IL1RAPL2: variants seen among roughly 807,000 people sequenced by gnomAD.
The protein encoded by IL1RAPL2 is interleukin 1 receptor accessory protein like 2.
IL1RAPL2 carries 3 observed loss-of-function variants against 44.1 expected under a neutral mutation model. That is an observed-to-expected ratio of 0.07 (90% CI 0.03 to 0.18). IL1RAPL2 has a LOEUF of 0.18. IL1RAPL2 is among the 10% of genes least tolerant of loss of function. The pLI is 1.00. For missense variants in IL1RAPL2, 391 were observed against 496.4 expected, an observed-to-expected ratio of 0.79 and a Z score of 2.02; for synonymous variants, 181 against 178.8, an observed-to-expected ratio of 1.01 and a Z score of -0.10.
chrX:105,362,428 A>G (rs1421309834), intron 5 of IL1RAPL2, among the ~76,000 whole-genome samples: 4 of 111,133 alleles, frequency 3.6e-5, no homozygotes, highest in Non-Finnish European at 7.6e-5. Flanking sequence ...TTTAAGATAT[A>G]TTTTACAATT....
At chrX:105,227,316 A>G (rs1556190430) in intron 3 of IL1RAPL2, among the ~76,000 whole-genome samples, 1 of 112,271 alleles carries the variant, frequency 8.9e-6, no homozygotes. Flanking sequence ...AAATGTACAT[A>G]AACTTAAAAC....
chrX:105,151,251 C>T (rs1399861424), intron 2 of IL1RAPL2, among the ~76,000 whole-genome samples: 2 of 111,363 alleles, frequency 1.8e-5, no homozygotes, highest in African/African-American at 6.5e-5. Context: ...AGCTGAATTG[C>T]GTTGAGCACT....
At chrX:105,749,372 T>C (rs2038578045) in intron 9 of IL1RAPL2, among the ~76,000 whole-genome samples, 1 of 112,072 alleles carries the variant, frequency 8.9e-6, no homozygotes, top group Admixed American at 9.5e-5. Flanking sequence ...TGACTTTATT[T>C]CCAATAAAAA....
At chrX:105,535,007 GA>G (rs1390685956) in intron 6 of IL1RAPL2, among the ~76,000 whole-genome samples, 2 of 111,673 alleles carry the variant, frequency 1.8e-5, no homozygotes, top group Non-Finnish European at 3.8e-5. Flanking sequence ...TCTATAAAAG[GA>G]AAAATAGACA....
At chrX:104,733,085 ACTC>A (rs1190439599) in intron 2 of IL1RAPL2, among the ~76,000 whole-genome samples, 2 of 111,599 alleles carry the variant, frequency 1.8e-5, no homozygotes, top group East Asian at 5.6e-4. Flanking sequence ...GATTTTAAAA[ACTC>A]CTAGCAAACT....
In IL1RAPL2 at chrX:105,499,011, G is replaced by A. The variant is rs775470420; in HGVS notation, c.772+14624G>A. Among the ~76,000 whole-genome samples, 5 of 110,935 alleles carry A rather than the reference G, an allele frequency of 4.5e-5. No individual in the cohort carries two copies. In the South Asian group the frequency reaches 1.2e-3, roughly 26 times the overall value. ...TGTGCATGTGAGGGATCTAGGCTGCGTGCTCCTTATGAGAATCTAACTAAT... is the reference window on the plus strand; with the variant it reads ...TGTGCATGTGAGGGATCTAGGCTGCATGCTCCTTATGAGAATCTAACTAAT... On this transcript the variant is annotated intron_variant, in intron 6 of 10. Coordinates refer to ENST00000372582, the MANE Select transcript of IL1RAPL2 (RefSeq NM_017416.2).
intron 6 of IL1RAPL2, among the ~76,000 whole-genome samples, chrX:105,514,735 G>T (rs2036499200): frequency 1.8e-5 from 2 of 111,781 alleles, no homozygotes; most frequent in Admixed American, 1.9e-4. Context: ...CAGCAACAAA[G>T]GGAAGCAAAG....
chrX:105,270,703 A>G (rs1188174766), intron 5 of IL1RAPL2, among the ~76,000 whole-genome samples: 1 of 111,927 alleles, frequency 8.9e-6, no homozygotes, highest in Non-Finnish European at 1.9e-5. Context: ...GGAACATTAT[A>G]TAACTTATAC....
intron 2 of IL1RAPL2, among the ~76,000 whole-genome samples, chrX:104,724,218 A>T (rs2147566020): frequency 9.0e-6 from 1 of 111,512 alleles, no homozygotes; most frequent in East Asian, 2.8e-4. Context: ...TAGTAAACTG[A>T]TAAATAGTCT....
At chrX:105,057,707 A>T (rs1387121588) in intron 2 of IL1RAPL2, among the ~76,000 whole-genome samples, 1 of 111,541 alleles carries the variant, frequency 9.0e-6, no homozygotes, top group Non-Finnish European at 1.9e-5. Flanking sequence ...CACATAGTAG[A>T]TGATTAATAA....
At chrX:105,089,896 G>A (rs2032522943) in intron 2 of IL1RAPL2, among the ~76,000 whole-genome samples, 1 of 111,800 alleles carries the variant, frequency 8.9e-6, no homozygotes, top group South Asian at 3.8e-4. Flanking sequence ...TTTAGGAAAA[G>A]CAGTAAGAGT....
intron 4 of IL1RAPL2, among the ~76,000 whole-genome samples, chrX:105,243,767 A>T (rs983327172): frequency 4.6e-5 from 5 of 109,858 alleles, no homozygotes; most frequent in African/African-American, 1.7e-4. Flanking sequence ...CCAACAAAGC[A>T]TGCATTGTAT....
intron 6 of IL1RAPL2, among the ~76,000 whole-genome samples, chrX:105,638,328 G>C (rs1044169573): frequency 2.7e-5 from 3 of 109,811 alleles, no homozygotes; most frequent in African/African-American, 9.9e-5. Flanking sequence ...TGGGCAGATG[G>C]GTTGTTCATA....
At chrX:104,630,544 T>C (rs1336610539) in intron 1 of IL1RAPL2, among the ~76,000 whole-genome samples, 1 of 109,976 alleles carries the variant, frequency 9.1e-6, no homozygotes, top group East Asian at 2.9e-4. Flanking sequence ...GCAATCCACC[T>C]GCCTTGGCCT....
At position 105,410,026 on chromosome X, in the gene IL1RAPL2, A is replaced by T. The variant is rs546327594; in HGVS notation, c.698-74287A>T. On this transcript the variant is annotated intron_variant, in intron 5 of 10. Coordinates refer to ENST00000372582, the MANE Select transcript of IL1RAPL2 (RefSeq NM_017416.2). The stretch of plus-strand genomic sequence containing the variant: ...GAAAAACACCTAGAGGTTTGGTTTG[A>T]GCACCTGGATAAATGGAGGTGCCAT... Among the ~76,000 whole-genome samples, 19 of 111,142 alleles carry T rather than the reference A, an allele frequency of 1.7e-4. No homozygotes were observed. The East Asian group carries it at 3.1e-3, about 18-fold the overall frequency.
chrX:104,589,456 G>A (rs975820165), intron 1 of IL1RAPL2, among the ~76,000 whole-genome samples: 4 of 112,107 alleles, frequency 3.6e-5, no homozygotes, highest in African/African-American at 9.7e-5. Context: ...TTAAGGGTGA[G>A]TCTGCCTTTC....
At chrX:104,911,087 G>GA (rs1924222658) in intron 2 of IL1RAPL2, among the ~76,000 whole-genome samples, 1 of 111,565 alleles carries the variant, frequency 9.0e-6, no homozygotes, top group Non-Finnish European at 1.9e-5. Context: ...ATTATCTCAA[G>GA]AAAAATTAGA....
At chrX:104,972,496 A>T (rs1005853832) in intron 2 of IL1RAPL2, among the ~76,000 whole-genome samples, 1 of 111,575 alleles carries the variant, frequency 9.0e-6, no homozygotes, top group African/African-American at 3.3e-5. Flanking sequence ...ATTAGTTAGG[A>T]GATCTGGAGA....
At chrX:105,568,937 A>G (rs2036994710) in intron 6 of IL1RAPL2, among the ~76,000 whole-genome samples, 1 of 111,923 alleles carries the variant, frequency 8.9e-6, no homozygotes, top group South Asian at 3.7e-4. Context: ...TTTCTGGAGT[A>G]CCATCACTCA....
Sources: allele counts gnomAD v4.1 joint callset (sites outside exome capture counted in the v4.1 genomes callset), GRCh38; gene constraint gnomAD v4.1.1; transcripts MANE v1.5; gene names NCBI Gene and HGNC (gene_info 2026-07-23, HGNC 2026-07-21).